CERK: variants seen among roughly 807,000 people sequenced by gnomAD.
The protein encoded by CERK is acylsphingosine kinase.
A neutral mutation model predicts 63.4 loss-of-function variants in CERK; 39 were observed. The ratio of observed to expected loss-of-function variants is 0.61; its 90% CI spans 0.48 to 0.80. CERK has a LOEUF of 0.80. Ranked by LOEUF, CERK falls within the 30% of genes least tolerant of loss-of-function variation. CERK has a pLI of 0.00. For missense variants in CERK, 670 were observed against 714.1 expected (o/e 0.94, Z 0.70); for synonymous variants, 302 against 280.0 (o/e 1.08, Z -0.78).
At chr22:46,710,675 G>A (rs2082836239) in intron 5 of CERK, among the ~76,000 whole-genome samples, 1 of 152,134 alleles carries the variant, frequency 6.6e-6, no homozygotes, top group African/African-American at 2.4e-5. Flanking sequence ...CCCACATAAT[G>A]GACCATGATA....
rs1234092380 is a variant in CERK at position 46,722,985 on chromosome 22, G to A, written c.143-1970C>T. Among the ~76,000 whole-genome samples the A allele has an allele frequency of 5.9e-5, 9 of 152,288 alleles. No homozygotes were observed. In the East Asian group the frequency reaches 9.7e-4, roughly 16 times the overall value. ...GGCCGCTGGGAAGGAAAGGGCGAGC[G>A]GCTGCGAGAGGGTGGCCACTCTGGG... On this transcript the variant is annotated intron_variant, in intron 1 of 12. Transcript: ENST00000216264.
chr22:46,692,904 CAAAAAAAAAA>C (rs34255348), intron 10 of CERK, among the ~76,000 whole-genome samples: 105 of 92,958 alleles, frequency 1.1e-3, no homozygotes, highest in African/African-American at 2.6e-3. Context: ...AAACTCCATC[CAAAAAAAAAA>C]AAAAAAAAAA....
rs189292636 is a variant in CERK, at chr22:46,729,897, G to T, written c.142+8110C>A. Among the ~76,000 whole-genome samples the T allele has an allele frequency of 2.0e-5, 3 of 152,200 alleles. No individual in the cohort carries two copies. In the East Asian group the frequency reaches 5.8e-4, roughly 30 times the overall value. On this transcript the variant is annotated intron_variant, in intron 1 of 12. Coordinates refer to ENST00000216264, the MANE Select transcript of CERK (RefSeq NM_022766.6). Reference sequence around the variant, plus strand: ...TACTAAAAATACAAAAAATTAGCCAGGCGTGGTGGCAGGCGCCTGTAGTCC... The same window carrying T: ...TACTAAAAATACAAAAAATTAGCCATGCGTGGTGGCAGGCGCCTGTAGTCC...
intron 6 of CERK, among the ~76,000 whole-genome samples, chr22:46,702,698 C>T (rs1344261371): frequency 1.3e-5 from 2 of 152,344 alleles, no homozygotes; most frequent in South Asian, 2.1e-4. Flanking sequence ...TGCTTCAGCC[C>T]GATGTTCCCC....
intron 3 of CERK, among the ~76,000 whole-genome samples, chr22:46,719,598 G>A (rs556526297): frequency 6.4e-4 from 98 of 152,328 alleles, no homozygotes; most frequent in African/African-American, 2.3e-3. Flanking sequence ...CTTGAACCCA[G>A]GAGGTGGTGG....
intron 8 of CERK, 94 bp from the exon 9 acceptor site, chr22:46,695,409 C>T (rs564201452): frequency 1.5e-4 from 120 of 811,886 alleles, no homozygotes; most frequent in East Asian, 9.8e-4. Context: ...TCGCTGAGCG[C>T]GCATCTGCCT....
intron 5 of CERK, 38 bp from the exon 6 acceptor site, chr22:46,708,026 T>A: frequency 6.4e-7 from 1 of 1,567,776 alleles, no homozygotes; most frequent in Non-Finnish European, 8.7e-7. Context: ...CTCCTGCAGG[T>A]GCGGCCCTCT....
rs369743829 is a variant in CERK, at chr22:46,699,345, C to T, written c.911G>A (p.Arg304Gln). The T allele has an allele frequency of 1.4e-5, 22 of 1,614,074 alleles. No homozygotes were observed. The highest frequency in any genetic ancestry group is 1.8e-5 in the Non-Finnish European group (21 of 1,180,042). The change falls in exon 8 of 13, where the codon CGG becomes CAG. Residue 304 changes from arginine to glutamine, a missense_variant. Arg to Gln is a conservative substitution (Grantham distance 43, BLOSUM62 1). Transcript: ENST00000216264. ...GTCGTATCTGGCAAGACCCAACCAC[C>T]GTTTCTTCTCACTGTCCTTGATGAT... ...GDIIKDSEKK[R>Q]WLGLARYDFS...
At position 46,698,265 on chromosome 22, in the gene CERK, C is replaced by T. The variant is rs1022032239; in HGVS notation, c.943+1048G>A. On this transcript the variant is annotated intron_variant, in intron 8 of 12. Transcript: ENST00000216264. ...GAAAGCTTTTGGGCTTCAGGGAGTGCGGCGTGGCATTCGCTCCCACTCCTC... is the reference window on the plus strand; with the variant it reads ...GAAAGCTTTTGGGCTTCAGGGAGTGTGGCGTGGCATTCGCTCCCACTCCTC... Among the ~76,000 whole-genome samples, 15 of 152,360 alleles carry T rather than the reference C, an allele frequency of 9.8e-5. No homozygotes were observed. In the South Asian group the frequency reaches 1.9e-3, roughly 19 times the overall value.
At chr22:46,711,817 T>C (rs2082842464) in intron 4 of CERK, among the ~76,000 whole-genome samples, 1 of 152,250 alleles carries the variant, frequency 6.6e-6, no homozygotes, top group Non-Finnish European at 1.5e-5. Flanking sequence ...CTGGGCACAG[T>C]GGCTCATGCC....
chr22:46,713,188 T>C (rs1275473407), intron 3 of CERK, among the ~76,000 whole-genome samples: 3 of 151,970 alleles, frequency 2.0e-5, no homozygotes, highest in Non-Finnish European at 4.4e-5. Context: ...CCAAGGAAAC[T>C]GAAAACCTAA....
chr22:46,712,853 T>C (rs1305012160), intron 3 of CERK, among the ~76,000 whole-genome samples: 2 of 150,610 alleles, frequency 1.3e-5, no homozygotes, highest in East Asian at 1.9e-4. Context: ...TTTTCTTTTT[T>C]TTTTTTTTTG....
At chr22:46,690,288 G>A (rs749450066) in intron 11 of CERK, 88 bp from the exon 12 acceptor site, 74 of 1,004,550 alleles carry the variant, frequency 7.4e-5, no homozygotes, top group Non-Finnish European at 9.4e-5. Flanking sequence ...GACAGCGAGC[G>A]CTGTCAGGCC....
intron 10 of CERK, among the ~76,000 whole-genome samples, chr22:46,692,382 C>T (rs1188283458): frequency 8.5e-5 from 12 of 141,526 alleles, no homozygotes; most frequent in East Asian, 4.2e-4. Flanking sequence ...GCTGAGATTG[C>T]GCCATTGCAC....
intron 2 of CERK, among the ~76,000 whole-genome samples, chr22:46,720,420 C>G (rs6008966): frequency 0.12 from 18,610 of 152,208 alleles, 1,399 homozygotes; most frequent in African/African-American, 0.21. Flanking sequence ...AAAGGGCTGG[C>G]TGTGATGACT....
In CERK at chr22:46,684,633, C is replaced by G. The variant is rs988280616; in HGVS notation, c.*2501G>C. On this transcript the variant is annotated 3_prime_UTR_variant, in exon 13 of 13. Transcript: ENST00000216264. ...CATTGCATAACTGCTAATTGTTTTG[C>G]ACCAGGGAGCCACAAAGGAAGCTAA... 6 of 152,334 alleles carry G rather than the reference C, an allele frequency of 3.9e-5. No homozygotes were observed. Among genetic ancestry groups the G allele is most frequent in the African/African-American group, 1.4e-4 (6 of 41,572 alleles). 9.4% of individuals were successfully genotyped at this position (152,334 alleles called of 1,614,324 possible).
chr22:46,724,926 C>T (rs2082910768), intron 1 of CERK, among the ~76,000 whole-genome samples: 1 of 152,006 alleles, frequency 6.6e-6, no homozygotes, highest in Non-Finnish European at 1.5e-5. Flanking sequence ...GAGGCTGAGG[C>T]AGGAGAATGG....
rs1211525174 is a variant in CERK, at chr22:46,737,303, AAAACAAAAAAC to A, written c.142+693_142+703del. On this transcript the variant is annotated intron_variant, in intron 1 of 12. Transcript: ENST00000216264. ...CAACACTCCGACTCAAAAAAAAAAA[AAAACAAAAAAC>A]AAACAAAAAACAACAAAAAACAAAA... 3.5e-4 allele frequency among the ~76,000 whole-genome samples: 50 copies of A among 141,666 alleles called. 1 individual carries two copies. Among genetic ancestry groups the A allele is most frequent in the African/African-American group, 1.1e-3 (42 of 36,602 alleles). 92.9% of individuals were successfully genotyped at this position (141,666 alleles called of 152,430 possible).
intron 1 of CERK, among the ~76,000 whole-genome samples, chr22:46,732,952 T>C (rs1413593810): frequency 6.6e-6 from 1 of 152,074 alleles, no homozygotes; most frequent in East Asian, 1.9e-4. Context: ...CTCACGCCTG[T>C]AATCCCAGCA....
Sources: allele counts gnomAD v4.1 joint callset (sites outside exome capture counted in the v4.1 genomes callset), GRCh38; gene constraint gnomAD v4.1.1; transcripts MANE v1.5; gene names NCBI Gene and HGNC (gene_info 2026-07-23, HGNC 2026-07-21).